Variants in PCDHGB2 observed in about 807,000 individuals in gnomAD.
PCDHGB2 encodes the protein protocadherin gamma subfamily B, 2.
PCDHGB2 carries 55 observed loss-of-function variants against 59.3 expected under a neutral mutation model. That is an observed-to-expected ratio of 0.93 (90% CI 0.75 to 1.16). The LOEUF (loss-of-function observed/expected upper bound fraction) is 1.16. PCDHGB2 is among the 50% of genes most tolerant of loss of function. The pLI is 0.00. For missense variants in PCDHGB2, 1,228 were observed against 1,198.5 expected (o/e 1.02, Z -0.36); for synonymous variants, 516 against 512.0 (o/e 1.01, Z -0.11).
At chr5:141,452,193 GT>G (rs1375451557) in intron 1 of PCDHGB2, among the ~76,000 whole-genome samples, 1 of 151,990 alleles carries the variant, frequency 6.6e-6, no homozygotes, top group Non-Finnish European at 1.5e-5. Context: ...ACCTCAAATT[GT>G]TTTAGATGTT....
chr5:141,382,462 T>C (rs1481999551), intron 1 of PCDHGB2, among the ~76,000 whole-genome samples: 24 of 152,240 alleles, frequency 1.6e-4, no homozygotes, highest in Admixed American at 1.6e-3. Flanking sequence ...AGCAGTTTTT[T>C]AAAAATTATC....
intron 1 of PCDHGB2, chr5:141,383,906 C>T (rs1779578930): frequency 6.2e-7 from 1 of 1,613,814 alleles, no homozygotes; most frequent in African/African-American, 1.3e-5. Flanking sequence ...GTACTGATCA[C>T]AGTTTTAGAT....
intron 1 of PCDHGB2, chr5:141,375,488 G>C (rs948208439): frequency 6.2e-7 from 1 of 1,613,976 alleles, no homozygotes; most frequent in Non-Finnish European, 8.5e-7. Context: ...CCCCAGGGGT[G>C]CCTCCATCTT....
intron 1 of PCDHGB2, chr5:141,410,181 T>C: frequency 6.2e-7 from 1 of 1,613,814 alleles, no homozygotes; most frequent in South Asian, 1.1e-5. Context: ...ACCGCCACGC[T>C]TCATCTGGTC....
intron 1 of PCDHGB2, chr5:141,409,789 G>T: frequency 6.2e-7 from 1 of 1,612,036 alleles, no homozygotes; most frequent in Non-Finnish European, 8.5e-7. Context: ...GCGCCTTCGC[G>T]CTCACGCTGC....
rs778564034 is a variant in PCDHGB2 at position 141,384,738 on chromosome 5, GC to G, written c.2421+22184del. ...CATACCTCCTGCTTAAGGCCAGCGA[GC>G]CAGGACTCTTTGCGGTTGGGCTGTA... On this transcript the variant is annotated intron_variant, in intron 1 of 3. Coordinates refer to ENST00000522605, the MANE Select transcript of PCDHGB2 (RefSeq NM_018923.3). 10 of 1,614,098 alleles carry G rather than the reference GC, an allele frequency of 6.2e-6. No individual in the cohort carries two copies. The East Asian group carries it at 2.2e-4, about 36-fold the overall frequency.
intron 1 of PCDHGB2, among the ~76,000 whole-genome samples, chr5:141,483,208 G>A (rs1195144442): frequency 6.6e-6 from 1 of 152,196 alleles, no homozygotes; most frequent in East Asian, 1.9e-4. Context: ...ATTCCATATA[G>A]ATGACAGTCA....
At chr5:141,398,162 A>G (rs1037240871) in intron 1 of PCDHGB2, 45 of 1,481,274 alleles carry the variant, frequency 3.0e-5, no homozygotes, top group Non-Finnish European at 4.0e-5. Flanking sequence ...GGCCGGGCTG[A>G]GAGGCTGCCA....
At chr5:141,365,641 C>T (rs367688670) in intron 1 of PCDHGB2, 1 of 1,613,596 alleles carries the variant, frequency 6.2e-7, no homozygotes, top group African/African-American at 1.3e-5. Context: ...CAGAAAGCCA[C>T]ATCCCCTTGA....
intron 1 of PCDHGB2, chr5:141,364,349 G>T (rs758855393): frequency 6.5e-6 from 10 of 1,549,456 alleles, no homozygotes; most frequent in Middle Eastern, 1.7e-4. Context: ...TCCACCTAGG[G>T]GCTGGGGCTG....
chr5:141,431,004 G>A lies in PCDHGB2; in HGVS notation c.2422-63803G>A, dbSNP rs569594120. The A allele has an allele frequency of 6.2e-7, 1 of 1,614,048 alleles. No homozygotes were observed. The highest frequency in any genetic ancestry group is 1.1e-5 in the South Asian group (1 of 91,074). On this transcript the variant is annotated intron_variant, in intron 1 of 3. Coordinates refer to ENST00000522605, the MANE Select transcript of PCDHGB2 (RefSeq NM_018923.3). The surrounding 1 kb of genome is among the most constrained non-coding windows in gnomAD (Gnocchi z 4.8). ...CTTTTCGCCCTGAATCCGCGCAGCG[G>A]CAGCTTGGTCACGGCGGGCAGGATA... is the stretch of plus-strand genomic sequence containing the variant.
At position 141,491,969 on chromosome 5, in the gene PCDHGB2, C is replaced by A; in HGVS notation, c.2422-2838C>A. ...CCCCTACACTCAAAAAAGGCCGGGGCCTCCTTCGAGCTTCCGGTGAATTTC... is the reference window on the plus strand; with the variant it reads ...CCCCTACACTCAAAAAAGGCCGGGGACTCCTTCGAGCTTCCGGTGAATTTC... On this transcript the variant is annotated intron_variant, in intron 1 of 3. Coordinates refer to ENST00000522605, the MANE Select transcript of PCDHGB2 (RefSeq NM_018923.3). The surrounding 1 kb of genome is among the most constrained non-coding windows in gnomAD (Gnocchi z 6.9). 1 of 898,714 alleles carries A rather than the reference C, an allele frequency of 1.1e-6. No individual in the cohort carries two copies. Among genetic ancestry groups the A allele is most frequent in the Non-Finnish European group, 1.6e-6 (1 of 629,384 alleles). 55.7% of individuals were successfully genotyped at this position (898,714 alleles called of 1,614,324 possible). A position where few individuals can be genotyped will look rare whatever the true frequency, so the allele number is the denominator to read the frequency against.
chr5:141,423,230 G>A (rs1223173152), intron 1 of PCDHGB2: 1 of 1,613,872 alleles, frequency 6.2e-7, no homozygotes, highest in East Asian at 2.2e-5. Flanking sequence ...GTGGCCGACA[G>A]CATCCCCGAA....
At position 141,477,197 on chromosome 5, in the gene PCDHGB2, G is replaced by A. The variant is rs781504885; in HGVS notation, c.2422-17610G>A. ...CACAGTCACCTCCGTGTACAGCCCA[G>A]TACCCGAGGATGCCCCTCTGGGGAC... On this transcript the variant is annotated intron_variant, in intron 1 of 3. Coordinates refer to ENST00000522605, the MANE Select transcript of PCDHGB2 (RefSeq NM_018923.3). The surrounding 1 kb of genome is among the most constrained non-coding windows in gnomAD (Gnocchi z 4.9). 1 of 1,614,210 alleles carries A rather than the reference G, an allele frequency of 6.2e-7. No homozygotes were observed. Among genetic ancestry groups the A allele is most frequent in the East Asian group, 2.2e-5 (1 of 44,874 alleles).
intron 1 of PCDHGB2, chr5:141,366,565 G>C: frequency 6.2e-7 from 1 of 1,614,252 alleles, no homozygotes; most frequent in Non-Finnish European, 8.5e-7. Flanking sequence ...GCGTGGATGG[G>C]GTTCGGGCTT....
At chr5:141,392,852 G>A in intron 1 of PCDHGB2, 3 of 1,611,984 alleles carry the variant, frequency 1.9e-6, no homozygotes, top group Non-Finnish European at 2.5e-6. Context: ...GCGGCGAGCT[G>A]ATCCTGCTGT....
intron 1 of PCDHGB2, among the ~76,000 whole-genome samples, chr5:141,455,125 A>G (rs952979433): frequency 3.5e-4 from 53 of 151,762 alleles, no homozygotes; most frequent in Non-Finnish European, 1.0e-4. Flanking sequence ...CTAATGTTTT[A>G]AATTACACTG....
chr5:141,423,236 C>G, intron 1 of PCDHGB2: 1 of 1,613,920 alleles, frequency 6.2e-7, no homozygotes, highest in Non-Finnish European at 8.5e-7. Flanking sequence ...GACAGCATCC[C>G]CGAAGTCCTG....
At chr5:141,398,611 A>G (rs2093677658) in intron 1 of PCDHGB2, 4 of 1,613,944 alleles carry the variant, frequency 2.5e-6, no homozygotes, top group African/African-American at 1.3e-5. Context: ...AGATGCAGAT[A>G]TTGGCTTAAA....
Sources: gnomAD v4.1 joint callset for allele counts (sites outside exome capture counted in the v4.1 genomes callset) on GRCh38, gnomAD v4.1.1 for gene constraint, Gnocchi (gnomAD v3.1) non-coding constraint, MANE v1.5 for transcripts, NCBI Gene and HGNC (gene_info 2026-07-23, HGNC 2026-07-21) for gene names.